Variants in MAP2 observed in about 807,000 individuals in gnomAD.
MAP2 encodes the protein microtubule-associated protein 2.
A neutral mutation model predicts 137.6 loss-of-function variants in MAP2; 14 were observed. The observed-to-expected ratio is 0.10, with a 90% CI of 0.07 to 0.16. MAP2 has a LOEUF of 0.16. MAP2 is among the 10% of genes least tolerant of loss of function. The pLI is 1.00. For missense variants in MAP2, 2,088 were observed against 2,191.5 expected, an observed-to-expected ratio of 0.95 and a Z score of 0.94; for synonymous variants, 786 against 782.3, an observed-to-expected ratio of 1.00 and a Z score of -0.08.
chr2:209,481,622 G>A (rs562844191), intron 1 of MAP2, among the ~76,000 whole-genome samples: 4 of 152,194 alleles, frequency 2.6e-5, no homozygotes, highest in African/African-American at 7.2e-5. Context: ...CATAAAATTG[G>A]CTCCCCACAA....
At position 209,693,737 on chromosome 2, in the gene MAP2, G is replaced by A. The variant is rs747788362; in HGVS notation, c.1567G>A (p.Glu523Lys). Residue 523 changes from glutamate (E) to lysine (K), a missense_variant, in exon 8 of 16, where the codon GAA (glutamate) becomes AAA (lysine). Transcript: ENST00000682079. ...TAAAACACTGGAGAAAGCCATGACCGAACCATCTGCATTAATTGAAAAGAG... is the reference window on the plus strand; with the variant it reads ...TAAAACACTGGAGAAAGCCATGACCAAACCATCTGCATTAATTGAAAAGAG... ...TSKTLEKAMT[E>K]PSALIEKSSI... The A allele has an allele frequency of 1.2e-5, 19 of 1,613,100 alleles. No homozygotes were observed. The highest frequency in any genetic ancestry group is 4.5e-5 in the East Asian group (2 of 44,872).
rs1422864379 is a variant in MAP2, at chr2:209,494,624, G to A, written c.-221-12968G>A. Among the ~76,000 whole-genome samples, 4 of 152,104 alleles carry A rather than the reference G, an allele frequency of 2.6e-5. No individual in the cohort carries two copies. The South Asian group carries it at 6.2e-4, about 24-fold the overall frequency. On this transcript the variant is annotated intron_variant, in intron 1 of 15. Transcript: ENST00000682079. ...ATTTACCCCTTGTTAGGATATAATC[G>A]AGAAATAATCATACAAATGGACAAC...
At chr2:209,519,055 G>A (rs914236916) in intron 2 of MAP2, among the ~76,000 whole-genome samples, 9 of 151,946 alleles carry the variant, frequency 5.9e-5, no homozygotes, top group Non-Finnish European at 1.0e-4. Context: ...AATCAAAATT[G>A]TTGAGGGAAT....
chr2:209,439,175 ATTGCT>A (rs891993146), intron 1 of MAP2, among the ~76,000 whole-genome samples: 8 of 151,470 alleles, frequency 5.3e-5, no homozygotes, highest in South Asian at 2.1e-4. Context: ...TCATATGGTG[ATTGCT>A]TTGTATAACT....
intron 3 of MAP2, among the ~76,000 whole-genome samples, chr2:209,593,637 ATATATATATAT>A (rs1229839699): frequency 1.3e-4 from 4 of 31,844 alleles, no homozygotes; most frequent in Admixed American, 4.8e-4. Flanking sequence ...AAAAAAAAAT[ATATATATATAT>A]ATATATATAT....
At chr2:209,596,491 T>C (rs1054792449) in intron 3 of MAP2, among the ~76,000 whole-genome samples, 2 of 152,254 alleles carry the variant, frequency 1.3e-5, no homozygotes, top group African/African-American at 4.8e-5. Flanking sequence ...TAAATGTTAA[T>C]GGATCTAGTG....
chr2:209,608,949 C>T (rs1470856618), intron 3 of MAP2, among the ~76,000 whole-genome samples: 3 of 152,020 alleles, frequency 2.0e-5, no homozygotes, highest in Admixed American at 6.6e-5. Flanking sequence ...AAATACCATG[C>T]TCTCCAGAAT....
chr2:209,565,790 T>G (rs535140545), intron 2 of MAP2, among the ~76,000 whole-genome samples: 2 of 152,314 alleles, frequency 1.3e-5, no homozygotes, highest in East Asian at 3.9e-4. Context: ...GGGCATCATT[T>G]CCCAGTGAAA....
chr2:209,517,344 A>G (rs2150348077), intron 2 of MAP2, among the ~76,000 whole-genome samples: 1 of 152,292 alleles, frequency 6.6e-6, no homozygotes, highest in Middle Eastern at 3.4e-3. Flanking sequence ...TTACATAAAT[A>G]TAAAGAGGAT....
At chr2:209,665,273 A>G (rs1184232101) in intron 5 of MAP2, among the ~76,000 whole-genome samples, 3 of 152,186 alleles carry the variant, frequency 2.0e-5, no homozygotes, top group Non-Finnish European at 2.9e-5. Context: ...TGAAAATAAT[A>G]TGAAAAGTCC....
chr2:209,635,701 T>G (rs2093494906), intron 4 of MAP2, among the ~76,000 whole-genome samples: 1 of 152,176 alleles, frequency 6.6e-6, no homozygotes, highest in Admixed American at 6.6e-5. Flanking sequence ...TATAATTGGG[T>G]TTCTGTTTCC....
chr2:209,612,499 T>G (rs1399719203), intron 3 of MAP2, among the ~76,000 whole-genome samples: 1 of 152,198 alleles, frequency 6.6e-6, no homozygotes, highest in Admixed American at 6.5e-5. Context: ...TATGTAATGC[T>G]AAAAACCAAC....
intron 2 of MAP2, among the ~76,000 whole-genome samples, chr2:209,540,660 A>AAAGAAAAAAAAAAAAAAAAAAACAG (rs2066846481): frequency 7.7e-6 from 1 of 129,206 alleles, no homozygotes; most frequent in Non-Finnish European, 1.5e-5. Context: ...AAAAAAAAAA[A>AAAGAAAAAAAAAAAAAAAAAAACAG]AAGAAGAAAA....
intron 1 of MAP2, among the ~76,000 whole-genome samples, chr2:209,462,618 C>T (rs2149607055): frequency 6.6e-6 from 1 of 152,234 alleles, no homozygotes; most frequent in Non-Finnish European, 1.5e-5. Flanking sequence ...CCGCACCATG[C>T]TCTTACTTTG....
intron 5 of MAP2, among the ~76,000 whole-genome samples, chr2:209,669,966 T>A (rs545136002): frequency 1.3e-5 from 2 of 152,190 alleles, no homozygotes; most frequent in South Asian, 4.1e-4. Flanking sequence ...AGCAATGTGA[T>A]GTATTTTAAG....
intron 1 of MAP2, among the ~76,000 whole-genome samples, chr2:209,426,917 G>T (rs1337599585): frequency 1.3e-5 from 2 of 151,934 alleles, no homozygotes; most frequent in Non-Finnish European, 1.5e-5. Context: ...GAAAAATGTT[G>T]GTGTATTTTT....
chr2:209,687,317 C>T (rs1357209097), intron 7 of MAP2, among the ~76,000 whole-genome samples: 1 of 151,682 alleles, frequency 6.6e-6, no homozygotes, highest in African/African-American at 2.4e-5. Flanking sequence ...ACATATTGAT[C>T]TAAGCATGAG....
At chr2:209,472,605 A>G (rs1706056704) in intron 1 of MAP2, among the ~76,000 whole-genome samples, 1 of 152,190 alleles carries the variant, frequency 6.6e-6, no homozygotes, top group East Asian at 1.9e-4. Flanking sequence ...GAGTGTTGAA[A>G]TACCTCTTTG....
chr2:209,661,138 C>T (rs1240900169), intron 5 of MAP2, among the ~76,000 whole-genome samples: 1 of 152,130 alleles, frequency 6.6e-6, no homozygotes, highest in Non-Finnish European at 1.5e-5. Context: ...TAAAGCTTTT[C>T]TCTCTGTTCT....
Sources: allele counts gnomAD v4.1 joint callset (sites outside exome capture counted in the v4.1 genomes callset), GRCh38; gene constraint gnomAD v4.1.1; transcripts MANE v1.5; gene names NCBI Gene and HGNC (gene_info 2026-07-23, HGNC 2026-07-21).